The following FBXL4 variants were observed in gnomAD, a reference collection of about 807,000 sequenced individuals.
The protein encoded by FBXL4 is F-box/LRR-repeat protein 4.
A neutral mutation model predicts 58.9 loss-of-function variants in FBXL4; 40 were observed. That is an observed-to-expected ratio of 0.68 (90% confidence interval 0.53 to 0.88). FBXL4 has a LOEUF of 0.88. Among genes scored for constraint, FBXL4 ranks in the 40% least tolerant of loss-of-function variants. FBXL4 has a pLI of 0.00. For missense variants in FBXL4, 676 were observed against 734.4 expected (o/e 0.92, Z 0.92); for synonymous variants, 263 against 265.5 (o/e 0.99, Z 0.09).
At chr6:98,900,210 T>C (rs970578769) in intron 6 of FBXL4, among the ~76,000 whole-genome samples, 2 of 152,192 alleles carry the variant, frequency 1.3e-5, no homozygotes, top group African/African-American at 4.8e-5. Flanking sequence ...CTGAAAACAA[T>C]CTAAAAGTAA....
Position 98,917,618 on chromosome 6 carries a change from A to C in FBXL4, c.614T>G (p.Ile205Arg). 1 of 1,614,026 alleles carries C rather than the reference A, an allele frequency of 6.2e-7. No homozygotes were observed. The highest frequency in any genetic ancestry group is 1.3e-5 in the African/African-American group (1 of 75,050). Residue 205 changes from isoleucine to arginine, a missense_variant, in exon 5 of 10, where the codon ATA (isoleucine) becomes AGA (arginine). Ile to Arg is a moderately conservative substitution (Grantham distance 97). Transcript: ENST00000369244. Reference sequence around the variant, plus strand: ...AAGAGAACTATTTACTTCCAGTCGTATAAGATTTGTGGGGAAATTTATCTG... The same window carrying C: ...AAGAGAACTATTTACTTCCAGTCGTCTAAGATTTGTGGGGAAATTTATCTG... Reference protein sequence around the residue: ...IKQINFPTNLIRLEVNSSLLE... With the variant: ...IKQINFPTNLRRLEVNSSLLE...
intron 6 of FBXL4, among the ~76,000 whole-genome samples, chr6:98,903,339 C>A (rs195823): frequency 2.6e-5 from 4 of 151,880 alleles, no homozygotes; most frequent in South Asian, 2.1e-4. Flanking sequence ...AATATGCCCC[C>A]CACAAGAAAA....
chr6:98,932,215 G>GA (rs1193023993), intron 2 of FBXL4, among the ~76,000 whole-genome samples: 1 of 152,098 alleles, frequency 6.6e-6, no homozygotes, highest in Non-Finnish European at 1.5e-5. Context: ...GAATTAGGGG[G>GA]ATCTTCATTT....
chr6:98,930,046 G>A (rs1418482985), intron 2 of FBXL4, among the ~76,000 whole-genome samples: 1 of 152,180 alleles, frequency 6.6e-6, no homozygotes, highest in African/African-American at 2.4e-5. Context: ...GAGCAAATGT[G>A]AAAACTCTTT....
chr6:98,894,938 G>A (rs1771360591), intron 7 of FBXL4, among the ~76,000 whole-genome samples: 1 of 152,118 alleles, frequency 6.6e-6, no homozygotes, highest in African/African-American at 2.4e-5. Context: ...CTGATGCAGG[G>A]AGGGACCCAC....
intron 5 of FBXL4, among the ~76,000 whole-genome samples, chr6:98,911,423 G>A (rs1268800127): frequency 6.6e-6 from 1 of 152,170 alleles, no homozygotes; most frequent in Non-Finnish European, 1.5e-5. Context: ...TAACTGGGAG[G>A]CACCCTCCAG....
chr6:98,896,987 C>T, intron 7 of FBXL4: 12 of 985,016 alleles, frequency 1.2e-5, no homozygotes, highest in Non-Finnish European at 1.3e-5. Flanking sequence ...TACTATACAA[C>T]ATTTCAAAAA....
intron 5 of FBXL4, among the ~76,000 whole-genome samples, chr6:98,909,567 G>T (rs1771950866): frequency 6.6e-6 from 1 of 152,086 alleles, no homozygotes; most frequent in Non-Finnish European, 1.5e-5. Flanking sequence ...TCAATAAACT[G>T]TTTAAAATGT....
rs957745469 is a variant in FBXL4 at position 98,947,906 on chromosome 6, G to C, written c.-409C>G. 2.0e-5 allele frequency: 3 copies of C among 151,680 alleles called. No homozygotes were observed. Among genetic ancestry groups the C allele is most frequent in the Non-Finnish European group, 2.9e-5 (2 of 67,866 alleles). The allele number at this position is 151,680 out of a possible 1,614,324, so 9.4% of individuals were successfully genotyped here. On this transcript the variant is annotated 5_prime_UTR_variant, in exon 1 of 10. Coordinates refer to ENST00000369244, the MANE Select transcript of FBXL4 (RefSeq NM_001278716.2). ...GGCGGCTCCCCGACTCTCTAGATGC[G>C]GCACAACCGCCGCAAGCCCGGCCTA...
chr6:98,926,771 T>C lies in FBXL4; in HGVS notation c.218A>G (p.Tyr73Cys), dbSNP rs1217647354. The part of the protein sequence containing the change: ...SHYGSENSMS[Y>C]TMWNLAGVPN... ...TACACCAGCCAAATTCCACATAGTA[T>C]AGGACATACTATTCTCACTTCCATA... The change falls in exon 4 of 10, where the codon TAT (tyrosine) becomes TGT (cysteine). Residue 73 changes from tyrosine (Y) to cysteine (C), a missense_variant. By Grantham distance (194) the Tyr-to-Cys change is radical. Coordinates refer to ENST00000369244, the MANE Select transcript of FBXL4 (RefSeq NM_001278716.2). 1 of 1,614,216 alleles carries C rather than the reference T, an allele frequency of 6.2e-7. No homozygotes were observed. The highest frequency in any genetic ancestry group is 8.5e-7 in the Non-Finnish European group (1 of 1,180,036).
chr6:98,905,279 TC>T, intron 6 of FBXL4, 146 bp downstream of exon 6: 1 of 997,292 alleles, frequency 1.0e-6, no homozygotes, highest in Non-Finnish European at 1.5e-6. Context: ...GCAGCAGCAT[TC>T]TAAACATGAC....
intron 7 of FBXL4, among the ~76,000 whole-genome samples, chr6:98,883,081 AC>A (rs1043837518): frequency 5.9e-5 from 9 of 151,986 alleles, no homozygotes; most frequent in African/African-American, 2.2e-4. Context: ...TTAGGTCCCC[AC>A]ATCTTTACCA....
At chr6:98,919,397 A>G (rs992005359) in intron 4 of FBXL4, among the ~76,000 whole-genome samples, 3 of 152,154 alleles carry the variant, frequency 2.0e-5, no homozygotes, top group Admixed American at 1.3e-4. Flanking sequence ...TCAAACATAA[A>G]CAGCCTGTGA....
chr6:98,873,090 T>C lies in FBXL4; in HGVS notation c.*1188A>G, dbSNP rs1770535431. 6.6e-6 allele frequency: 1 copy of C among 151,874 alleles called. No individual in the cohort carries two copies. The highest frequency in any genetic ancestry group is 2.4e-5 in the African/African-American group (1 of 41,360). 9.4% of individuals were successfully genotyped at this position (151,874 alleles called of 1,614,324 possible). On this transcript the variant is annotated 3_prime_UTR_variant, in exon 10 of 10. Coordinates refer to ENST00000369244, the MANE Select transcript of FBXL4 (RefSeq NM_001278716.2). ...TTGTGGCATGAAAAGGCACAGCTGT[T>C]TTGAACACAAAACTAATATTAACTG...
chr6:98,887,001 C>T (rs1490609215), intron 7 of FBXL4, among the ~76,000 whole-genome samples: 1 of 152,156 alleles, frequency 6.6e-6, no homozygotes, highest in Admixed American at 6.6e-5. Context: ...ATAATTCTAA[C>T]ACTCTGGGAG....
At chr6:98,899,600 A>G in intron 6 of FBXL4, 119 bp from the exon 7 acceptor site, 1 of 1,225,234 alleles carries the variant, frequency 8.2e-7, no homozygotes, top group Non-Finnish European at 1.1e-6. Flanking sequence ...ATTAGGGAAA[A>G]TGTAAAATTT....
intron 3 of FBXL4, among the ~76,000 whole-genome samples, 177 bp downstream of exon 3, chr6:98,927,528 T>C (rs945196242): frequency 6.6e-6 from 1 of 152,228 alleles, no homozygotes; most frequent in African/African-American, 2.4e-5. Flanking sequence ...AGATTTCACA[T>C]TATGGGAATA....
At chr6:98,918,822 G>C (rs139049001) in intron 4 of FBXL4, among the ~76,000 whole-genome samples, 45 of 152,118 alleles carry the variant, frequency 3.0e-4, no homozygotes, top group Non-Finnish European at 6.2e-4. Flanking sequence ...TAGTACATAA[G>C]AATGATCACT....
chr6:98,932,701 A>T lies in FBXL4; in HGVS notation c.-191+2061T>A, dbSNP rs112760891. The stretch of plus-strand genomic sequence containing the variant: ...AATCAGAATGAACCAGAGCCAGGAC[A>T]GCGTAAAGGCTAGGTTCACAGTGAG... On this transcript the variant is annotated intron_variant, in intron 2 of 9. Transcript: ENST00000369244. Among the ~76,000 whole-genome samples the T allele has an allele frequency of 1.0e-3, 152 of 152,312 alleles. 1 individual carries two copies. Among genetic ancestry groups the T allele is most frequent in the African/African-American group, 3.4e-3 (141 of 41,574 alleles).
Sources: gnomAD v4.1 joint callset for allele counts (sites outside exome capture counted in the v4.1 genomes callset) on GRCh38, gnomAD v4.1.1 for gene constraint, MANE v1.5 for transcripts, NCBI Gene and HGNC (gene_info 2026-07-23, HGNC 2026-07-21) for gene names.